The following HS6ST3 variants were observed in gnomAD, a reference collection of about 807,000 sequenced individuals.
The protein encoded by HS6ST3 is heparan sulfate 6-O-sulfotransferase 3.
A neutral mutation model predicts 36.7 loss-of-function variants in HS6ST3; 12 were observed. The observed-to-expected ratio is 0.33, with a 90% CI of 0.21 to 0.53. The LOEUF (loss-of-function observed/expected upper bound fraction) is 0.53, where lower values mean the gene tolerates loss of function less well. Among genes scored for constraint, HS6ST3 ranks in the 20% least tolerant of loss-of-function variants. HS6ST3 has a pLI of 0.95. For missense variants in HS6ST3, 584 were observed against 640.9 expected (o/e 0.91, Z 0.96); for synonymous variants, 240 against 257.5 (o/e 0.93, Z 0.65).
At chr13:96,556,605 A>G (rs2056241797) in intron 1 of HS6ST3, among the ~76,000 whole-genome samples, 1 of 152,198 alleles carries the variant, frequency 6.6e-6, no homozygotes, top group Non-Finnish European at 1.5e-5. Context: ...TTAAAAAAGA[A>G]ATCCTGTTTG....
At chr13:96,301,935 A>ATAG (rs1443140951) in intron 1 of HS6ST3, among the ~76,000 whole-genome samples, 3 of 146,746 alleles carry the variant, frequency 2.0e-5, no homozygotes, top group South Asian at 2.1e-4. Flanking sequence ...AATAATAATA[A>ATAG]TAATAATAAT....
intron 1 of HS6ST3, among the ~76,000 whole-genome samples, chr13:96,688,983 C>G (rs1241850306): frequency 6.6e-6 from 1 of 151,994 alleles, no homozygotes; most frequent in Non-Finnish European, 1.5e-5. Context: ...CTTTGGAGTA[C>G]CTATTATTTG....
chr13:96,672,822 ATCT>A (rs1215057552), intron 1 of HS6ST3, among the ~76,000 whole-genome samples: 1 of 152,110 alleles, frequency 6.6e-6, no homozygotes, highest in Non-Finnish European at 1.5e-5. Context: ...GCACTCTTTT[ATCT>A]TCTTCTATCT....
chr13:96,408,555 G>A (rs2139460862), intron 1 of HS6ST3, among the ~76,000 whole-genome samples: 1 of 152,294 alleles, frequency 6.6e-6, no homozygotes, highest in African/African-American at 2.4e-5. Flanking sequence ...ATGTAGCTCT[G>A]ATCCTGAGAA....
chr13:96,401,455 C>T (rs1051026166), intron 1 of HS6ST3, among the ~76,000 whole-genome samples: 23 of 152,228 alleles, frequency 1.5e-4, no homozygotes, highest in African/African-American at 5.5e-4. Context: ...CCTCTATAGG[C>T]AGACAGCATC....
intron 1 of HS6ST3, among the ~76,000 whole-genome samples, chr13:96,558,741 G>A (rs1338342032): frequency 6.6e-6 from 1 of 152,142 alleles, no homozygotes; most frequent in Non-Finnish European, 1.5e-5. Context: ...AATGATAATT[G>A]TAACATCAAT....
intron 1 of HS6ST3, among the ~76,000 whole-genome samples, chr13:96,120,953 A>G (rs1304689839): frequency 6.6e-6 from 1 of 152,228 alleles, no homozygotes; most frequent in East Asian, 1.9e-4. Flanking sequence ...GGATGAATAT[A>G]GCGGGTTCTG....
intron 1 of HS6ST3, among the ~76,000 whole-genome samples, chr13:96,100,534 G>T (rs2053813176): frequency 6.6e-6 from 1 of 152,190 alleles, no homozygotes; most frequent in Admixed American, 6.5e-5. Context: ...TTTGCCTGCT[G>T]GTGGCTGACA....
At chr13:96,184,219 A>AGAG (rs142415056) in intron 1 of HS6ST3, among the ~76,000 whole-genome samples, 14 of 13,020 alleles carry the variant, frequency 1.1e-3, no homozygotes, top group Non-Finnish European at 2.1e-3. Flanking sequence ...AAAAAAAAAA[A>AGAG]AAAGAGAGAG....
intron 1 of HS6ST3, among the ~76,000 whole-genome samples, chr13:96,110,440 GT>G (rs1486203857): frequency 1.4e-5 from 2 of 138,296 alleles, no homozygotes; most frequent in African/African-American, 2.6e-5. Context: ...TTGTGTGTGT[GT>G]GTTTTTTTTT....
At chr13:96,262,102 A>G (rs1410359307) in intron 1 of HS6ST3, among the ~76,000 whole-genome samples, 1 of 152,222 alleles carries the variant, frequency 6.6e-6, no homozygotes, top group African/African-American at 2.4e-5. Flanking sequence ...CACGACTGTC[A>G]TTCAAAATGT....
chr13:96,825,433 G>C (rs774117117), intron 1 of HS6ST3, among the ~76,000 whole-genome samples: 6 of 152,110 alleles, frequency 3.9e-5, no homozygotes, highest in African/African-American at 7.2e-5. Context: ...AAGTAGCATA[G>C]AGAAAGCTGA....
At chr13:96,345,064 CACAGCACTG>C (rs2055147085) in intron 1 of HS6ST3, among the ~76,000 whole-genome samples, 1 of 152,128 alleles carries the variant, frequency 6.6e-6, no homozygotes, top group Admixed American at 6.5e-5. Flanking sequence ...AATCTTGGCC[CACAGCACTG>C]ATTAAGGCAG....
intron 1 of HS6ST3, among the ~76,000 whole-genome samples, chr13:96,453,457 C>G (rs1259343505): frequency 6.6e-6 from 1 of 152,096 alleles, no homozygotes; most frequent in African/African-American, 2.4e-5. Flanking sequence ...CTGTTTGTCA[C>G]ACAAACACCC....
At chr13:96,408,923 CA>C (rs368398487) in intron 1 of HS6ST3, among the ~76,000 whole-genome samples, 3 of 147,104 alleles carry the variant, frequency 2.0e-5, no homozygotes, top group African/African-American at 2.5e-5. Flanking sequence ...GACTCCGTCT[CA>C]AAAAAAAAGA....
intron 1 of HS6ST3, among the ~76,000 whole-genome samples, chr13:96,457,063 A>G (rs2055757631): frequency 6.6e-6 from 1 of 152,170 alleles, no homozygotes; most frequent in Non-Finnish European, 1.5e-5. Context: ...ATTGATCTAT[A>G]TGACTTCAAG....
At position 96,384,865 on chromosome 13, in the gene HS6ST3, T is replaced by C. The variant is rs74106400; in HGVS notation, c.707+293296T>C. Among the ~76,000 whole-genome samples, 476 of 152,234 alleles carry C rather than the reference T, an allele frequency of 3.1e-3. 2 individuals carry two copies. The highest frequency in any genetic ancestry group is 0.011 in the African/African-American group (459 of 41,538). Reference sequence around the variant, plus strand: ...GTGTTGAGGACTTGCTTCAGACTTGTATGATTAAAAAATACTCTTAAAAGG... The same window carrying C: ...GTGTTGAGGACTTGCTTCAGACTTGCATGATTAAAAAATACTCTTAAAAGG... On this transcript the variant is annotated intron_variant, in intron 1 of 1. Transcript: ENST00000376705.
chr13:96,257,703 C>CAT (rs2054643933), intron 1 of HS6ST3, among the ~76,000 whole-genome samples: 1 of 152,112 alleles, frequency 6.6e-6, no homozygotes, highest in Non-Finnish European at 1.5e-5. Context: ...AAAGCTTCTA[C>CAT]ATATAATCAG....
intron 1 of HS6ST3, among the ~76,000 whole-genome samples, chr13:96,283,939 C>T (rs1431406100): frequency 1.3e-5 from 2 of 152,176 alleles, no homozygotes; most frequent in African/African-American, 2.4e-5. Flanking sequence ...AGATGGTTCA[C>T]AATGAATAAG....
Sources: gnomAD v4.1 joint callset for allele counts (sites outside exome capture counted in the v4.1 genomes callset) on GRCh38, gnomAD v4.1.1 for gene constraint, MANE v1.5 for transcripts, NCBI Gene and HGNC (gene_info 2026-07-23, HGNC 2026-07-21) for gene names.